CFAP299: variants seen among roughly 807,000 people sequenced by gnomAD.
The protein encoded by CFAP299 is cilia- and flagella-associated protein 299.
Under a neutral mutation model 27.0 loss-of-function variants are expected in CFAP299, and 21 were observed. The ratio of observed to expected loss-of-function variants is 0.78; its 90% CI spans 0.55 to 1.12. CFAP299 has a LOEUF of 1.12. Ranked by LOEUF, CFAP299 falls within the 50% of genes most tolerant of loss-of-function variation. The pLI, the probability that CFAP299 is intolerant of heterozygous loss-of-function variation, is 0.00. For synonymous variants in CFAP299, 104 were observed against 98.1 expected, an observed-to-expected ratio of 1.06 and a Z score of -0.36; for missense variants, 310 against 276.6, an observed-to-expected ratio of 1.12 and a Z score of -0.86.
At chr4:80,404,509 G>C (rs930994537) in intron 2 of CFAP299, among the ~76,000 whole-genome samples, 2 of 152,146 alleles carry the variant, frequency 1.3e-5, no homozygotes, top group Non-Finnish European at 2.9e-5. Context: ...GACTACTCGA[G>C]GTACCTCGTC....
In CFAP299 at chr4:80,444,778, A is replaced by G. The variant is rs192732221; in HGVS notation, c.242+81894A>G. Among the ~76,000 whole-genome samples, 940 of 152,348 alleles carry G rather than the reference A, an allele frequency of 6.2e-3. 2 individuals carry two copies. Among genetic ancestry groups the G allele is most frequent in the Middle Eastern group, 0.024 (7 of 294 alleles). On this transcript the variant is annotated intron_variant, in intron 2 of 5. Transcript: ENST00000358105. ...GGGAGAAAATTTTTGCAATCTACTC[A>G]TCTGACAAAGGGTTAATATCCAGAA...
intron 2 of CFAP299, among the ~76,000 whole-genome samples, chr4:80,581,247 A>C (rs560769922): frequency 6.6e-6 from 1 of 151,760 alleles, no homozygotes; most frequent in Admixed American, 6.6e-5. Context: ...CAAGCAACTG[A>C]CAAAATTACT....
chr4:80,690,849 G>A (rs1057470016), intron 3 of CFAP299, among the ~76,000 whole-genome samples: 7 of 150,516 alleles, frequency 4.7e-5, no homozygotes, highest in African/African-American at 1.2e-4. Context: ...CAATAAAAAT[G>A]ATAAAGGGGA....
At chr4:80,398,092 T>G (rs1452756738) in intron 2 of CFAP299, among the ~76,000 whole-genome samples, 1 of 152,138 alleles carries the variant, frequency 6.6e-6, no homozygotes, top group Admixed American at 6.6e-5. Flanking sequence ...TCACAATTGC[T>G]TCAAAGAGAA....
intron 2 of CFAP299, among the ~76,000 whole-genome samples, chr4:80,553,014 T>A (rs1426155901): frequency 6.6e-6 from 1 of 151,930 alleles, no homozygotes; most frequent in Non-Finnish European, 1.5e-5. Flanking sequence ...TTTTTTAAAG[T>A]TTTATTTTAG....
chr4:80,606,122 G>T (rs948833648), intron 3 of CFAP299, among the ~76,000 whole-genome samples: 1 of 152,198 alleles, frequency 6.6e-6, no homozygotes, highest in Non-Finnish European at 1.5e-5. Flanking sequence ...GGGCAAACAA[G>T]TCAGTGGTGG....
At chr4:80,495,357 T>C (rs1336177552) in intron 2 of CFAP299, among the ~76,000 whole-genome samples, 1 of 152,182 alleles carries the variant, frequency 6.6e-6, no homozygotes, top group Non-Finnish European at 1.5e-5. Context: ...TAAAGAAACA[T>C]TCAGACATTT....
At chr4:80,763,193 A>G (rs903532601) in intron 3 of CFAP299, among the ~76,000 whole-genome samples, 1 of 152,324 alleles carries the variant, frequency 6.6e-6, no homozygotes, top group Middle Eastern at 3.4e-3. Context: ...GTGATTGTAT[A>G]TTTAGAAAAC....
intron 3 of CFAP299, among the ~76,000 whole-genome samples, chr4:80,586,137 C>T (rs1379917745): frequency 1.3e-5 from 2 of 152,014 alleles, no homozygotes; most frequent in African/African-American, 2.4e-5. Flanking sequence ...TTTTCTAAGC[C>T]ACAATTTCCT....
intron 3 of CFAP299, among the ~76,000 whole-genome samples, chr4:80,591,105 ATT>A (rs70944795): frequency 0.037 from 4,717 of 126,360 alleles, 68 homozygotes; most frequent in East Asian, 0.19. Flanking sequence ...ACTTTAGGAA[ATT>A]TTTTTTTTTT....
intron 5 of CFAP299, among the ~76,000 whole-genome samples, chr4:80,957,294 A>G (rs1011456827): frequency 6.6e-6 from 1 of 152,188 alleles, no homozygotes; most frequent in African/African-American, 2.4e-5. Flanking sequence ...AGTGCCATGA[A>G]TTTGAAGGAA....
intron 3 of CFAP299, among the ~76,000 whole-genome samples, chr4:80,688,973 C>G (rs1034191511): frequency 6.6e-6 from 1 of 151,750 alleles, no homozygotes; most frequent in Non-Finnish European, 1.5e-5. Context: ...TGAAATGAAG[C>G]GAGAAGGGAA....
At chr4:80,456,295 A>G (rs1281861958) in intron 2 of CFAP299, among the ~76,000 whole-genome samples, 4 of 152,118 alleles carry the variant, frequency 2.6e-5, no homozygotes, top group Non-Finnish European at 4.4e-5. Flanking sequence ...AAGACATTAG[A>G]GGGCTTTGCT....
chr4:80,717,851 A>G (rs533215077), intron 3 of CFAP299, among the ~76,000 whole-genome samples: 111 of 152,228 alleles, frequency 7.3e-4, no homozygotes, highest in African/African-American at 2.5e-3. Context: ...AAATGTACAG[A>G]TGTTTGCTAG....
At chr4:80,341,487 C>T (rs1054396034) in intron 1 of CFAP299, among the ~76,000 whole-genome samples, 1 of 152,166 alleles carries the variant, frequency 6.6e-6, no homozygotes, top group Non-Finnish European at 1.5e-5. Flanking sequence ...AAGGAGAAGG[C>T]TGCCATCTTT....
rs138871022 is a variant in CFAP299 at position 80,627,927 on chromosome 4, T to G, written c.333+44744T>G. 3.9e-5 allele frequency among the ~76,000 whole-genome samples: 6 copies of G among 152,168 alleles called. No individual in the cohort carries two copies. The East Asian group carries it at 1.2e-3, about 29-fold the overall frequency. On this transcript the variant is annotated intron_variant, in intron 3 of 5. Transcript: ENST00000358105. ...ATACTACCCAAAGCAAGCTACAGAT[T>G]CAACAGAATTCCTATCAAAATACCA...
intron 2 of CFAP299, among the ~76,000 whole-genome samples, chr4:80,371,024 A>G (rs1224412335): frequency 2.0e-5 from 3 of 152,118 alleles, no homozygotes; most frequent in Admixed American, 1.3e-4. Context: ...AGGCTTTTTC[A>G]TATATCCTCT....
intron 3 of CFAP299, among the ~76,000 whole-genome samples, chr4:80,798,239 A>C (rs1004514106): frequency 2.6e-5 from 4 of 152,054 alleles, no homozygotes; most frequent in Admixed American, 6.6e-5. Context: ...AATCAACATT[A>C]TCTTGCCTGG....
At chr4:80,722,893 C>T (rs1409049644) in intron 3 of CFAP299, among the ~76,000 whole-genome samples, 1 of 149,008 alleles carries the variant, frequency 6.7e-6, no homozygotes, top group South Asian at 2.1e-4. Flanking sequence ...AGCGAGATTC[C>T]GTCTCAAAAA....
Sources: gnomAD v4.1 joint callset for allele counts (sites outside exome capture counted in the v4.1 genomes callset) on GRCh38, gnomAD v4.1.1 for gene constraint, MANE v1.5 for transcripts, NCBI Gene and HGNC (gene_info 2026-07-23, HGNC 2026-07-21) for gene names.